Variants in LRRC27 observed in about 807,000 individuals in gnomAD.
The protein encoded by LRRC27 is leucine rich repeat containing 27, also known as leucine-rich repeat-containing protein 27.
A neutral mutation model predicts 55.0 loss-of-function variants in LRRC27; 57 were observed. The ratio of observed to expected loss-of-function variants is 1.04; its 90% confidence interval spans 0.84 to 1.29. The LOEUF is 1.29. Ranked by LOEUF, LRRC27 falls within the 50% of genes most tolerant of loss-of-function variation. The pLI is 0.00. For missense variants in LRRC27, 721 were observed against 651.5 expected (o/e 1.11, Z -1.16); for synonymous variants, 278 against 251.9 (o/e 1.10, Z -0.98).
chr10:132,351,902 G>A, intron 7 of LRRC27, 149 bp downstream of exon 7: 2 of 1,055,308 alleles, frequency 1.9e-6, no homozygotes, highest in Non-Finnish European at 1.3e-6. Flanking sequence ...TTCCTCACCT[G>A]GAAGCCGAGC....
chr10:132,334,023 G>A (rs1024687089), intron 2 of LRRC27, among the ~76,000 whole-genome samples: 11 of 152,274 alleles, frequency 7.2e-5, no homozygotes, highest in Non-Finnish European at 1.2e-4. Flanking sequence ...TGCCAAACAC[G>A]CTTGGTCTCT....
intron 5 of LRRC27, 200 bp downstream of exon 5, chr10:132,344,850 G>C: frequency 2.0e-6 from 1 of 497,756 alleles, no homozygotes; most frequent in South Asian, 3.8e-5. Context: ...TATAAATCTG[G>C]GCACATTATA....
chr10:132,344,213 C>T (rs974204037), intron 4 of LRRC27, among the ~76,000 whole-genome samples: 1 of 152,132 alleles, frequency 6.6e-6, no homozygotes, highest in Non-Finnish European at 1.5e-5. Context: ...AATATAGCGA[C>T]TTTGTATTCT....
At chr10:132,349,537 C>T (rs1451475022) in intron 6 of LRRC27, among the ~76,000 whole-genome samples, 4 of 152,200 alleles carry the variant, frequency 2.6e-5, no homozygotes. Context: ...GGTGAAAGGG[C>T]AGGAATATCC....
At chr10:132,360,391 C>A (rs578091801) in intron 8 of LRRC27, among the ~76,000 whole-genome samples, 1 of 152,162 alleles carries the variant, frequency 6.6e-6, no homozygotes, top group East Asian at 1.9e-4. Flanking sequence ...CCACTGCGCC[C>A]GGCCAGGATT....
At chr10:132,331,695 G>A, upstream of LRRC27, 1 of 1,612,602 alleles carries the variant, frequency 6.2e-7, no homozygotes, top group Non-Finnish European at 8.5e-7. Context: ...GAGCAGCCCC[G>A]CCCGCCCCGG....
intron 6 of LRRC27, among the ~76,000 whole-genome samples, chr10:132,349,277 C>T (rs535905271): frequency 4.6e-5 from 7 of 152,310 alleles, no homozygotes; most frequent in South Asian, 4.1e-4. Flanking sequence ...CTCCACGCAG[C>T]GTCCAGCACG....
chr10:132,337,574 C>T lies in LRRC27; in HGVS notation c.220C>T (p.Leu74=), dbSNP rs1252030889. The change falls in exon 3 of 11, where the codon CTG becomes TTG. Residue 74 remains leucine, a synonymous_variant. Transcript: ENST00000368614. The stretch of plus-strand genomic sequence containing the variant: ...CTCTTTTCCATGGAAGCAATTGCAT[C>T]TGCAAAGGAATGCCCTGTGTGTGAT... The part of the protein sequence containing the change: ...FRIPSLQQLH[L]QRNALCVIPQ... 1.2e-6 allele frequency: 2 copies of T among 1,613,148 alleles called. No individual in the cohort carries two copies. The highest frequency in any genetic ancestry group is 8.5e-7 in the Non-Finnish European group (1 of 1,179,716).
chr10:132,365,671 G>A (rs770456863), intron 10 of LRRC27, 121 bp downstream of exon 10: 79 of 1,264,974 alleles, frequency 6.2e-5, no homozygotes, highest in South Asian at 1.8e-4. Context: ...GCACAATCTC[G>A]GCTCCCTGCA....
At chr10:132,369,233 ACT>A (rs2069161726) in intron 10 of LRRC27, among the ~76,000 whole-genome samples, 1 of 152,156 alleles carries the variant, frequency 6.6e-6, no homozygotes, top group Non-Finnish European at 1.5e-5. Flanking sequence ...AATTAATCAC[ACT>A]CTCATCATAC....
chr10:132,354,867 C>A (rs2068235100), intron 7 of LRRC27, among the ~76,000 whole-genome samples: 1 of 152,208 alleles, frequency 6.6e-6, no homozygotes, highest in Non-Finnish European at 1.5e-5. Flanking sequence ...GTCCTGCAGG[C>A]TGGAGAGCTG....
upstream of LRRC27, chr10:132,331,620 C>T (rs765801214): frequency 3.1e-6 from 5 of 1,612,910 alleles, no homozygotes; most frequent in Non-Finnish European, 4.2e-6. Context: ...GCGGGAAGGA[C>T]AGGCAGCGAG....
rs1276444645 is a variant in LRRC27 at position 132,379,599 on chromosome 10, A to C, written c.*4357A>C. On this transcript the variant is annotated 3_prime_UTR_variant, in exon 11 of 11. Coordinates refer to ENST00000368614, the MANE Select transcript of LRRC27 (RefSeq NM_030626.3). ...TTTTTTTTAATAAGTGTTTTCTTTC[A>C]GTTTTAAATTTCAGATGTTGTGTTT... The C allele has an allele frequency of 6.6e-6, 1 of 151,690 alleles. No homozygotes were observed. The highest frequency in any genetic ancestry group is 1.5e-5 in the Non-Finnish European group (1 of 67,960). 9.4% of individuals were successfully genotyped at this position (151,690 alleles called of 1,614,324 possible). A position where few individuals can be genotyped will look rare whatever the true frequency, so the allele number is the denominator to read the frequency against.
chr10:132,372,299 A>G lies in LRRC27; in HGVS notation c.1417-2767A>G, dbSNP rs10781570. Among the ~76,000 whole-genome samples the G allele has an allele frequency of 0.51, 75,450 of 146,768 alleles. 21,478 individuals carry two copies. The highest frequency in any genetic ancestry group is 0.74 in the African/African-American group (29,197 of 39,356). ...GGGAAGTGGGGGTCGGGGTGCGGTG[A>G]CTCACGCCTGCAATCCCAGCACTTT... On this transcript the variant is annotated intron_variant, in intron 10 of 10. Transcript: ENST00000368614. This position sits in a 1 kb window ranked among gnomAD's most constrained non-coding sequence, Gnocchi z 4.0.
At chr10:132,337,393 CT>C (rs1412269642) in intron 2 of LRRC27, 171 bp from the exon 3 acceptor site, 1 of 1,388,602 alleles carries the variant, frequency 7.2e-7, no homozygotes, top group African/African-American at 1.5e-5. Context: ...CTTTCTGATT[CT>C]TTTGTCTACT....
chr10:132,331,856 G>A (rs577493247), upstream of LRRC27: 189 of 1,408,210 alleles, frequency 1.3e-4, no homozygotes, highest in East Asian at 2.9e-3. Flanking sequence ...GGATGCTACC[G>A]TTGGCCGCGT....
chr10:132,354,840 G>A lies in LRRC27; in HGVS notation c.1074-950G>A, dbSNP rs187967812. On this transcript the variant is annotated intron_variant, in intron 7 of 10. Transcript: ENST00000368614. ...CGGATCTGGGGGCAGGATGGAGAGGGGGTACCAACCACAGGAGTCCTGCAG... is the reference window on the plus strand; with the variant it reads ...CGGATCTGGGGGCAGGATGGAGAGGAGGTACCAACCACAGGAGTCCTGCAG... 7.3e-3 allele frequency among the ~76,000 whole-genome samples: 1,109 copies of A among 152,310 alleles called. 14 individuals carry two copies. Among genetic ancestry groups the A allele is most frequent in the African/African-American group, 0.025 (1,054 of 41,574 alleles).
chr10:132,337,293 CAGT>C lies in LRRC27; in HGVS notation c.211-271_211-269del, dbSNP rs966715736. On this transcript the variant is annotated intron_variant, in intron 2 of 10. Transcript: ENST00000368614. Reference sequence around the variant, plus strand: ...CATGTCAAAGGCTTTGGGATAGAAACAGTGGTGTGCTGGGTCAGCAGCAGAGTG... The same window carrying C: ...CATGTCAAAGGCTTTGGGATAGAAACGGTGTGCTGGGTCAGCAGCAGAGTG... 7 of 1,257,954 alleles carry C rather than the reference CAGT, an allele frequency of 5.6e-6. No individual in the cohort carries two copies. The African/African-American group carries it at 6.1e-5, about 11-fold the overall frequency. 77.9% of individuals were successfully genotyped at this position (1,257,954 alleles called of 1,614,324 possible). A position where few individuals can be genotyped will look rare whatever the true frequency, so the allele number is the denominator to read the frequency against.
intron 8 of LRRC27, among the ~76,000 whole-genome samples, chr10:132,358,441 A>G (rs4999764): frequency 0.019 from 115 of 6,100 alleles, 40 homozygotes; most frequent in African/African-American, 0.037. Context: ...AGCCGAGGTG[A>G]TGGAGCAGCG....
Sources: gnomAD v4.1 joint callset for allele counts (sites outside exome capture counted in the v4.1 genomes callset) on GRCh38, gnomAD v4.1.1 for gene constraint, Gnocchi (gnomAD v3.1) non-coding constraint, MANE v1.5 for transcripts, NCBI Gene and HGNC (gene_info 2026-07-23, HGNC 2026-07-21) for gene names.